Variants in PTPRQ observed in about 807,000 individuals in gnomAD.
The protein encoded by PTPRQ is phosphatidylinositol phosphatase PTPRQ.
In PTPRQ, 199 loss-of-function variants were observed where a neutral mutation model predicts 246.0. The observed-to-expected ratio is 0.81, with a 90% CI of 0.72 to 0.91. The LOEUF is 0.91. Among genes scored for constraint, PTPRQ ranks in the 40% least tolerant of loss-of-function variants. PTPRQ has a pLI of 0.00. For synonymous variants in PTPRQ, 869 were observed against 853.2 expected, an observed-to-expected ratio of 1.02 and a Z score of -0.32; for missense variants, 2,624 against 2,528.4, an observed-to-expected ratio of 1.04 and a Z score of -0.81.
intron 22 of PTPRQ, 125 bp downstream of exon 22, chr12:80,542,489 A>G: frequency 7.3e-7 from 1 of 1,369,988 alleles, no homozygotes; most frequent in Non-Finnish European, 9.6e-7. Context: ...TTACCATTAT[A>G]TTTACTTTGT....
Position 80,506,684 on chromosome 12 carries a change from T to A in PTPRQ, c.2557+14T>A. 1 of 1,531,118 alleles carries A rather than the reference T, an allele frequency of 6.5e-7. No homozygotes were observed. Among genetic ancestry groups the A allele is most frequent in the Non-Finnish European group, 8.8e-7 (1 of 1,135,660 alleles). The allele number at this position is 1,531,118 out of a possible 1,614,324, so 94.8% of individuals were successfully genotyped here. On this transcript the variant is annotated intron_variant, in intron 16 of 44. Coordinates refer to ENST00000644991, the MANE Select transcript of PTPRQ (RefSeq NM_001145026.2). ...CGGAGGAAGATGGTAAATATAATAGTGGATATTGATATACTTTGATTCTAT... is the reference window on the plus strand; with the variant it reads ...CGGAGGAAGATGGTAAATATAATAGAGGATATTGATATACTTTGATTCTAT...
chr12:80,653,549 T>C (rs1900322218), intron 38 of PTPRQ, among the ~76,000 whole-genome samples: 1 of 152,202 alleles, frequency 6.6e-6, no homozygotes. Flanking sequence ...TTTCAAAGTC[T>C]AGAGTTTTGA....
intron 35 of PTPRQ, among the ~76,000 whole-genome samples, chr12:80,640,848 T>C (rs1257994190): frequency 6.6e-6 from 1 of 152,230 alleles, no homozygotes; most frequent in Non-Finnish European, 1.5e-5. Flanking sequence ...TGACTCATAA[T>C]GTGCATGTCC....
intron 42 of PTPRQ, 49 bp from the exon 43 acceptor site, chr12:80,673,120 T>C (rs1050659744): frequency 1.3e-6 from 2 of 1,541,854 alleles, no homozygotes; most frequent in Non-Finnish European, 1.8e-6. Flanking sequence ...CCCATCAAAA[T>C]GAACAACCCT....
intron 25 of PTPRQ, among the ~76,000 whole-genome samples, chr12:80,576,796 C>G (rs1897289358): frequency 6.6e-6 from 1 of 152,120 alleles, no homozygotes; most frequent in Non-Finnish European, 1.5e-5. Context: ...TACAGGAATT[C>G]TCCCAAATTC....
At chr12:80,549,996 C>G (rs1309162001) in intron 25 of PTPRQ, among the ~76,000 whole-genome samples, 3 of 152,026 alleles carry the variant, frequency 2.0e-5, no homozygotes, top group Admixed American at 6.6e-5. Flanking sequence ...ATAAAACCCC[C>G]ACCTAATGAA....
At chr12:80,652,669 T>C in intron 37 of PTPRQ, 75 bp from the exon 38 acceptor site, 1 of 1,380,586 alleles carries the variant, frequency 7.2e-7, no homozygotes, top group South Asian at 1.7e-5. Flanking sequence ...TTAGGACAAA[T>C]AACTGTCTTT....
intron 29 of PTPRQ, among the ~76,000 whole-genome samples, chr12:80,615,719 A>C (rs1260433861): frequency 1.3e-5 from 2 of 151,084 alleles, no homozygotes; most frequent in African/African-American, 4.8e-5. Context: ...CATCTTAGAG[A>C]GGGAAAAAAA....
intron 17 of PTPRQ, among the ~76,000 whole-genome samples, chr12:80,520,916 G>A (rs2120753682): frequency 6.6e-6 from 1 of 151,878 alleles, no homozygotes; most frequent in Admixed American, 6.6e-5. Context: ...TCTAGTTCTA[G>A]ATCCCTGAGG....
intron 17 of PTPRQ, among the ~76,000 whole-genome samples, chr12:80,514,846 A>G (rs562401983): frequency 6.8e-6 from 1 of 147,128 alleles, no homozygotes; most frequent in Non-Finnish European, 1.5e-5. Context: ...CAGATAATGG[A>G]TGACTCAGTG....
At chr12:80,674,706 C>T (rs1264477841) in intron 43 of PTPRQ, among the ~76,000 whole-genome samples, 3 of 152,068 alleles carry the variant, frequency 2.0e-5, no homozygotes, top group African/African-American at 7.2e-5. Flanking sequence ...CAAAACCTTG[C>T]TAATTGCTAA....
chr12:80,564,889 G>A (rs926693700), intron 25 of PTPRQ, among the ~76,000 whole-genome samples: 3 of 152,052 alleles, frequency 2.0e-5, no homozygotes, highest in Non-Finnish European at 4.4e-5. Flanking sequence ...TTATGAAGTA[G>A]GGAAATTTAC....
intron 17 of PTPRQ, among the ~76,000 whole-genome samples, chr12:80,529,694 A>G (rs1895788152): frequency 6.6e-6 from 1 of 152,208 alleles, no homozygotes; most frequent in African/African-American, 2.4e-5. Context: ...TAAATTAATT[A>G]GGAAATAACT....
At chr12:80,673,785 A>G (rs1901049091) in intron 43 of PTPRQ, among the ~76,000 whole-genome samples, 1 of 152,090 alleles carries the variant, frequency 6.6e-6, no homozygotes, top group Admixed American at 6.6e-5. Flanking sequence ...TCAACTATTA[A>G]CTGTGAGGTT....
At chr12:80,505,111 G>A (rs1484715022) in intron 14 of PTPRQ, among the ~76,000 whole-genome samples, 1 of 151,808 alleles carries the variant, frequency 6.6e-6, no homozygotes, top group African/African-American at 2.4e-5. Flanking sequence ...GCGGGCCCCA[G>A]GGTTTTATAG....
At chr12:80,550,618 T>G (rs1193887201) in intron 25 of PTPRQ, among the ~76,000 whole-genome samples, 1 of 152,168 alleles carries the variant, frequency 6.6e-6, no homozygotes, top group Non-Finnish European at 1.5e-5. Context: ...ACCATGTCAT[T>G]GTGACTTACC....
At chr12:80,637,965 C>G (rs1268406970) in intron 35 of PTPRQ, among the ~76,000 whole-genome samples, 2 of 152,082 alleles carry the variant, frequency 1.3e-5, no homozygotes, top group Non-Finnish European at 2.9e-5. Context: ...CATAATTTCT[C>G]TTAAATCTAC....
At chr12:80,464,134 C>T (rs1482946833) in intron 6 of PTPRQ, among the ~76,000 whole-genome samples, 2 of 151,298 alleles carry the variant, frequency 1.3e-5, no homozygotes, top group Non-Finnish European at 2.9e-5. Flanking sequence ...ATCTCACATG[C>T]AGAGACACAC....
At chr12:80,590,691 A>AG in intron 26 of PTPRQ, among the ~76,000 whole-genome samples, 1 of 146,518 alleles carries the variant, frequency 6.8e-6, no homozygotes, top group East Asian at 2.0e-4. Flanking sequence ...AAAAAAAAAA[A>AG]CTATCCAATG....
Sources: gnomAD v4.1 joint callset for allele counts (sites outside exome capture counted in the v4.1 genomes callset) on GRCh38, gnomAD v4.1.1 for gene constraint, MANE v1.5 for transcripts, NCBI Gene and HGNC (gene_info 2026-07-23, HGNC 2026-07-21) for gene names.